The following CDH6 variants were observed in gnomAD, a reference collection of about 807,000 sequenced individuals.
CDH6 encodes cadherin-6.
Under a neutral mutation model 78.0 loss-of-function variants are expected in CDH6, and 31 were observed. That is an observed-to-expected ratio of 0.40 (90% CI 0.30 to 0.54). CDH6 has a LOEUF of 0.54. CDH6 is among the 20% of genes least tolerant of loss of function. The pLI is 0.56. For synonymous variants in CDH6, 376 were observed against 368.8 expected (o/e 1.02, Z -0.23); for missense variants, 724 against 975.9 (o/e 0.74, Z 3.44).
At chr5:31,309,729 G>A (rs1738091378) in intron 7 of CDH6, among the ~76,000 whole-genome samples, 1 of 151,920 alleles carries the variant, frequency 6.6e-6, no homozygotes, top group South Asian at 2.1e-4. Context: ...TGTACAGGAA[G>A]CATGGCCGAG....
At chr5:31,217,206 G>T (rs567826232) in intron 1 of CDH6, among the ~76,000 whole-genome samples, 1 of 152,166 alleles carries the variant, frequency 6.6e-6, no homozygotes, top group South Asian at 2.1e-4. Context: ...ATTTAGATCC[G>T]TTTTAAGAAA....
intron 1 of CDH6, among the ~76,000 whole-genome samples, chr5:31,202,642 A>T (rs955268215): frequency 4.6e-5 from 6 of 130,354 alleles, no homozygotes; most frequent in Non-Finnish European, 6.9e-5. Context: ...ACCTCAAAAA[A>T]ATATATATAT....
chr5:31,228,469 C>G (rs1396594849), intron 1 of CDH6, among the ~76,000 whole-genome samples: 2 of 152,138 alleles, frequency 1.3e-5, no homozygotes, highest in Admixed American at 1.3e-4. Context: ...AAAAGTATGT[C>G]CCAGGGTCAG....
At chr5:31,217,468 A>G (rs555040198) in intron 1 of CDH6, among the ~76,000 whole-genome samples, 1 of 152,310 alleles carries the variant, frequency 6.6e-6, no homozygotes, top group South Asian at 2.1e-4. Context: ...GTCATAACCA[A>G]CAGTGTGAAA....
intron 1 of CDH6, among the ~76,000 whole-genome samples, chr5:31,222,919 A>C (rs1741041382): frequency 6.6e-6 from 1 of 152,096 alleles, no homozygotes; most frequent in Admixed American, 6.6e-5. Flanking sequence ...ATTTTCTTGC[A>C]AAGTTCTCAC....
intron 1 of CDH6, among the ~76,000 whole-genome samples, chr5:31,218,520 G>A (rs1740926441): frequency 1.3e-5 from 2 of 152,140 alleles, no homozygotes; most frequent in African/African-American, 4.8e-5. Flanking sequence ...GTTCCTAAGT[G>A]TGTTCTTGCT....
At chr5:31,228,027 C>T (rs971263952) in intron 1 of CDH6, among the ~76,000 whole-genome samples, 13 of 152,184 alleles carry the variant, frequency 8.5e-5, no homozygotes, top group Admixed American at 7.9e-4. Context: ...TCTACAGGCT[C>T]TAGAGGAGAA....
intron 1 of CDH6, among the ~76,000 whole-genome samples, chr5:31,221,738 A>G (rs4512102): frequency 0.99 from 150,849 of 152,310 alleles, 74,718 homozygotes; most frequent in Middle Eastern, 1. Context: ...TGCAAATGTC[A>G]TGTAAGGTAC....
intron 1 of CDH6, among the ~76,000 whole-genome samples, chr5:31,221,932 A>G (rs1364715573): frequency 6.6e-6 from 1 of 152,076 alleles, no homozygotes; most frequent in Non-Finnish European, 1.5e-5. Context: ...AATCTGCTAG[A>G]CTTGTTGTGT....
intron 1 of CDH6, among the ~76,000 whole-genome samples, chr5:31,228,038 G>T (rs1036148019): frequency 1.3e-5 from 2 of 152,182 alleles, no homozygotes; most frequent in Admixed American, 1.3e-4. Context: ...TAGAGGAGAA[G>T]CCACTTCCTT....
chr5:31,286,301 T>A (rs1439887777), intron 2 of CDH6, among the ~76,000 whole-genome samples: 1 of 152,186 alleles, frequency 6.6e-6, no homozygotes, highest in Admixed American at 6.5e-5. Flanking sequence ...AATGTGCTGA[T>A]GGCTAAGTGG....
In CDH6 at chr5:31,302,968, G is replaced by GGAAAGA. The variant is rs1737870451; in HGVS notation, c.999+670_999+671insGAAAGA. ...GAAAGAAAGAAAGAAGGAAAGAAAA[G>GGAAAGA]AAAGAAAGAAAGAAAGAAAACCAAT... On this transcript the variant is annotated intron_variant, in intron 6 of 11. Coordinates refer to ENST00000265071, the MANE Select transcript of CDH6 (RefSeq NM_004932.4). Among the ~76,000 whole-genome samples, 231 of 119,030 alleles carry GGAAAGA rather than the reference G, an allele frequency of 1.9e-3. 1 individual carries two copies. Among genetic ancestry groups the GGAAAGA allele is most frequent in the African/African-American group, 6.5e-3 (215 of 32,982 alleles). 78.1% of individuals were successfully genotyped at this position (119,030 alleles called of 152,430 possible). A position where few individuals can be genotyped will look rare whatever the true frequency, so the allele number is the denominator to read the frequency against.
intron 1 of CDH6, among the ~76,000 whole-genome samples, chr5:31,234,314 G>A (rs905437870): frequency 6.6e-6 from 1 of 152,116 alleles, no homozygotes; most frequent in African/African-American, 2.4e-5. Flanking sequence ...TATAAACTGG[G>A]ATAAAATCTT....
intron 2 of CDH6, among the ~76,000 whole-genome samples, chr5:31,284,487 G>A (rs1322779182): frequency 6.6e-6 from 1 of 152,242 alleles, no homozygotes; most frequent in East Asian, 1.9e-4. Context: ...ACTTGCCCTG[G>A]GGCGATCACG....
At position 31,288,967 on chromosome 5, in the gene CDH6, G is replaced by T. The variant is rs140979439; in HGVS notation, c.229-4995G>T. Among the ~76,000 whole-genome samples the T allele has an allele frequency of 1.2e-4, 18 of 152,196 alleles. No individual in the cohort carries two copies. In the East Asian group the frequency reaches 3.5e-3, roughly 29 times the overall value. Reference sequence around the variant, plus strand: ...TGGATTGTTTTTGTTGGGGGGAGAGGGGGTTCTTTTATTTAATTTTTATTT... The same window carrying T: ...TGGATTGTTTTTGTTGGGGGGAGAGTGGGTTCTTTTATTTAATTTTTATTT... On this transcript the variant is annotated intron_variant, in intron 2 of 11. Transcript: ENST00000265071.
intron 2 of CDH6, among the ~76,000 whole-genome samples, chr5:31,289,135 C>T (rs1446958796): frequency 1.3e-5 from 2 of 152,172 alleles, no homozygotes; most frequent in East Asian, 1.9e-4. Flanking sequence ...TTCTTCCCCA[C>T]TTTGGAGTCC....
At chr5:31,243,942 A>G (rs1269685219) in intron 1 of CDH6, among the ~76,000 whole-genome samples, 1 of 152,232 alleles carries the variant, frequency 6.6e-6, no homozygotes, top group Non-Finnish European at 1.5e-5. Context: ...CATGATGTGA[A>G]TTTGAGACAG....
At chr5:31,320,684 C>G (rs184124898) in intron 11 of CDH6, among the ~76,000 whole-genome samples, 211 of 152,220 alleles carry the variant, frequency 1.4e-3, no homozygotes, top group African/African-American at 4.9e-3. Context: ...ATAACATATA[C>G]AAAACTGTGC....
chr5:31,231,592 C>T (rs1741311657), intron 1 of CDH6, among the ~76,000 whole-genome samples: 1 of 152,172 alleles, frequency 6.6e-6, no homozygotes, highest in South Asian at 2.1e-4. Context: ...TATGCAGAGT[C>T]CCAAGGTGGC....
Sources: gnomAD v4.1 joint callset for allele counts (sites outside exome capture counted in the v4.1 genomes callset) on GRCh38, gnomAD v4.1.1 for gene constraint, MANE v1.5 for transcripts, NCBI Gene and HGNC (gene_info 2026-07-23, HGNC 2026-07-21) for gene names.